The following TGFBRAP1 variants were observed in gnomAD, a reference collection of about 807,000 sequenced individuals.
TGFBRAP1 encodes the protein transforming growth factor-beta receptor-associated protein 1.
A neutral mutation model predicts 83.2 loss-of-function variants in TGFBRAP1; 20 were observed. The observed-to-expected ratio is 0.24, with a 90% CI of 0.17 to 0.35. The LOEUF is 0.35. Ranked by LOEUF, TGFBRAP1 falls within the 10% of genes least tolerant of loss-of-function variation. The pLI is 1.00. For synonymous variants in TGFBRAP1, 415 were observed against 459.8 expected, an observed-to-expected ratio of 0.90 and a Z score of 1.25; for missense variants, 950 against 1,099.4, an observed-to-expected ratio of 0.86 and a Z score of 1.92.
At chr2:105,307,351 CT>C (rs905486346) in intron 2 of TGFBRAP1, among the ~76,000 whole-genome samples, 24 of 152,320 alleles carry the variant, frequency 1.6e-4, no homozygotes, top group African/African-American at 5.3e-4. Context: ...AATATCCCCA[CT>C]TCCCGGTAAC....
rs1676902840 is a variant in TGFBRAP1 at position 105,265,612 on chromosome 2, G to C, written c.*1771C>G. The stretch of plus-strand genomic sequence containing the variant: ...TAAACTCAAACTCACAAGTTGTCAT[G>C]ATAACATATGCAGTAATATGACCAT... On this transcript the variant is annotated 3_prime_UTR_variant, in exon 12 of 12. Transcript: ENST00000393359. 1 of 152,686 alleles carries C rather than the reference G, an allele frequency of 6.5e-6. No homozygotes were observed. Among genetic ancestry groups the C allele is most frequent in the East Asian group, 1.9e-4 (1 of 5,204 alleles). 9.5% of individuals were successfully genotyped at this position (152,686 alleles called of 1,614,324 possible).
At chr2:105,318,793 G>A (rs1573220662) in intron 1 of TGFBRAP1, among the ~76,000 whole-genome samples, 1 of 152,172 alleles carries the variant, frequency 6.6e-6, no homozygotes, top group Non-Finnish European at 1.5e-5. Context: ...GTGGTAGATG[G>A]CTCAGGGGGC....
chr2:105,271,514 G>A (rs1477942090), intron 10 of TGFBRAP1, among the ~76,000 whole-genome samples: 1 of 152,158 alleles, frequency 6.6e-6, no homozygotes, highest in East Asian at 1.9e-4. Flanking sequence ...ACTAGTGTTT[G>A]CTGGTTTCAT....
At chr2:105,311,750 C>CA (rs976300814) in intron 1 of TGFBRAP1, among the ~76,000 whole-genome samples, 6 of 151,112 alleles carry the variant, frequency 4.0e-5, no homozygotes, top group South Asian at 2.1e-4. Context: ...AATACACACA[C>CA]AAAAAAAAGT....
Position 105,267,117 on chromosome 2 carries a change from C to G in TGFBRAP1, c.*266G>C, listed in dbSNP as rs1242542688. On this transcript the variant is annotated 3_prime_UTR_variant, in exon 12 of 12. Transcript: ENST00000393359. ...GACCTCTGTCTTGGATTACTATGTA[C>G]CTGGACAGGTGAACTCTTGTATGTT... The G allele has an allele frequency of 1.1e-5, 4 of 370,880 alleles. No individual in the cohort carries two copies. The highest frequency in any genetic ancestry group is 1.9e-5 in the Non-Finnish European group (4 of 205,406). 23.0% of individuals were successfully genotyped at this position (370,880 alleles called of 1,614,324 possible).
chr2:105,280,856 A>T, intron 5 of TGFBRAP1, 133 bp from the exon 6 acceptor site: 1 of 965,876 alleles, frequency 1.0e-6, no homozygotes, highest in Non-Finnish European at 1.5e-6. Context: ...CAGGGTAATC[A>T]TGTCAGAGCA....
chr2:105,257,759 C>T, the TGFBRAP1 span, among the ~76,000 whole-genome samples: 1 of 152,048 alleles, frequency 6.6e-6, no homozygotes, highest in Non-Finnish European at 1.5e-5. Flanking sequence ...TATATCAGAC[C>T]ATCTAAAAGT....
At chr2:105,282,346 G>A (rs1024495967) in intron 5 of TGFBRAP1, among the ~76,000 whole-genome samples, 1 of 152,218 alleles carries the variant, frequency 6.6e-6, no homozygotes, top group Non-Finnish European at 1.5e-5. Context: ...GGTTATGTAT[G>A]ATCAATTTTC....
At chr2:105,288,794 T>G (rs1181703202) in intron 4 of TGFBRAP1, among the ~76,000 whole-genome samples, 1 of 152,226 alleles carries the variant, frequency 6.6e-6, no homozygotes, top group Non-Finnish European at 1.5e-5. Context: ...AAAGGCAATG[T>G]GTCCTGATTG....
At chr2:105,324,066 T>A (rs1267188090) in intron 1 of TGFBRAP1, 1 of 152,016 alleles carries the variant, frequency 6.6e-6, no homozygotes, top group Admixed American at 6.5e-5. Flanking sequence ...GACAATTAAA[T>A]GCAAAGTGGG....
rs532214494 is a variant in TGFBRAP1 at position 105,269,508 on chromosome 2, G to C, written c.2170C>G (p.Leu724Val). ...TCGTGGGCAGTGGGGCCAGCATGCA[G>C]GTAGATGGCCAGCAGCGTGTGAAAG... ...QLFHTLLAIY[L>V]HAGPTAHELA... The change falls in exon 11 of 12, where the codon CTG becomes GTG. Residue 724 changes from leucine to valine, a missense_variant. Transcript: ENST00000393359. The surrounding 1 kb of genome is among the most constrained non-coding windows in gnomAD (Gnocchi z 4.1). The C allele has an allele frequency of 1.2e-6, 2 of 1,613,206 alleles. No individual in the cohort carries two copies. The highest frequency in any genetic ancestry group is 1.7e-5 in the Admixed American group (1 of 59,948).
At chr2:105,323,183 T>C (rs1679118596) in intron 1 of TGFBRAP1, among the ~76,000 whole-genome samples, 4 of 152,038 alleles carry the variant, frequency 2.6e-5, no homozygotes, top group Admixed American at 2.6e-4. Flanking sequence ...CCAGTTTTCT[T>C]GTGGTCCCAG....
chr2:105,321,838 A>G (rs1679077449), intron 1 of TGFBRAP1, among the ~76,000 whole-genome samples: 1 of 152,250 alleles, frequency 6.6e-6, no homozygotes. Flanking sequence ...TGAAAAGTCT[A>G]GCACATTCAA....
At chr2:105,253,376 G>A in the TGFBRAP1 span, among the ~76,000 whole-genome samples, 4 of 152,062 alleles carry the variant, frequency 2.6e-5, no homozygotes, top group Non-Finnish European at 5.9e-5. Flanking sequence ...CAGGTGATTC[G>A]CCTGCCTCGG....
rs766883003 is a variant in TGFBRAP1 at position 105,307,821 on chromosome 2, C to T, written c.481G>A (p.Val161Ile). The T allele has an allele frequency of 5.0e-5, 80 of 1,614,044 alleles. No individual in the cohort carries two copies. Among genetic ancestry groups the T allele is most frequent in the South Asian group, 7.7e-5 (7 of 91,080 alleles). ...TGCTCGGCAGTCGACACCTCCTTGA[C>T]GATCTGCACCCGGTCCTCGTACACC... ...FLVYEDRVQIVKEVSTAEQPL... is the reference protein window; with the variant it reads ...FLVYEDRVQIIKEVSTAEQPL... The change falls in exon 2 of 12, where the codon GTC becomes ATC. Residue 161 changes from valine to isoleucine, a missense_variant. Transcript: ENST00000393359.
At chr2:105,252,852 A>T in the TGFBRAP1 span, among the ~76,000 whole-genome samples, 1 of 136,852 alleles carries the variant, frequency 7.3e-6, no homozygotes, top group Non-Finnish European at 1.5e-5. Context: ...TCCCAGCTTC[A>T]CGCCATTCTC....
chr2:105,285,440 T>C (rs1425029980), intron 4 of TGFBRAP1, among the ~76,000 whole-genome samples: 1 of 152,230 alleles, frequency 6.6e-6, no homozygotes, highest in Non-Finnish European at 1.5e-5. Context: ...CCAGAGATGC[T>C]ACGTTTTTAG....
At chr2:105,325,229 G>A (rs912118007) in intron 1 of TGFBRAP1, 10 of 152,424 alleles carry the variant, frequency 6.6e-5, no homozygotes, top group African/African-American at 1.4e-4. Flanking sequence ...AAGCCTGGAT[G>A]ATGGATGGCA....
At chr2:105,294,954 A>G (rs1311132998) in intron 4 of TGFBRAP1, among the ~76,000 whole-genome samples, 2 of 151,808 alleles carry the variant, frequency 1.3e-5, no homozygotes, top group Non-Finnish European at 2.9e-5. Context: ...AGCTTGCAGG[A>G]GAGGAGAAGG....
Sources: allele counts gnomAD v4.1 joint callset (sites outside exome capture counted in the v4.1 genomes callset), GRCh38; gene constraint gnomAD v4.1.1; non-coding constraint Gnocchi (gnomAD v3.1); transcripts MANE v1.5; gene names NCBI Gene and HGNC (gene_info 2026-07-23, HGNC 2026-07-21).